The following RNLS variants were observed in gnomAD, a reference collection of about 807,000 sequenced individuals.
RNLS encodes the protein renalase, FAD dependent amine oxidase.
Under a neutral mutation model 39.8 loss-of-function variants are expected in RNLS, and 39 were observed. The observed-to-expected ratio is 0.98, with a 90% confidence interval of 0.76 to 1.28. The LOEUF is 1.28. Ranked by LOEUF, RNLS falls within the 50% of genes most tolerant of loss-of-function variation. The pLI is 0.00. For synonymous variants in RNLS, 147 were observed against 150.7 expected (o/e 0.98, Z 0.18); for missense variants, 410 against 413.3 (o/e 0.99, Z 0.07).
At chr10:88,325,273 C>T (rs1295596070) in intron 5 of RNLS, among the ~76,000 whole-genome samples, 1 of 152,116 alleles carries the variant, frequency 6.6e-6, no homozygotes, top group Non-Finnish European at 1.5e-5. Context: ...ACAAGGGTTC[C>T]AATTTCTCCA....
chr10:88,278,077 C>G (rs1373823241), intron 6 of RNLS, among the ~76,000 whole-genome samples: 1 of 152,006 alleles, frequency 6.6e-6, no homozygotes, highest in African/African-American at 2.4e-5. Flanking sequence ...AGTGGGTTTC[C>G]TGATTTTAGG....
intron 5 of RNLS, among the ~76,000 whole-genome samples, chr10:88,350,300 T>C (rs1848593301): frequency 6.6e-6 from 1 of 152,180 alleles, no homozygotes; most frequent in Non-Finnish European, 1.5e-5. Context: ...GTTACATATG[T>C]ATACATGTGC....
intron 4 of RNLS, among the ~76,000 whole-genome samples, chr10:88,552,153 G>T (rs1848634448): frequency 6.6e-6 from 1 of 152,138 alleles, no homozygotes; most frequent in African/African-American, 2.4e-5. Context: ...TTACACAGAA[G>T]AGGAATCAGA....
intron 6 of RNLS, among the ~76,000 whole-genome samples, chr10:88,304,328 G>C (rs1844759924): frequency 6.6e-6 from 1 of 152,152 alleles, no homozygotes. Flanking sequence ...TCTCTAGCAA[G>C]AGTTCTGAAC....
the RNLS span, among the ~76,000 whole-genome samples, chr10:88,260,640 C>G: frequency 6.6e-6 from 1 of 152,222 alleles, no homozygotes; most frequent in African/African-American, 2.4e-5. Context: ...GGTTCTTGGG[C>G]TGAATTAGCC....
At chr10:88,527,205 G>A (rs1050694303) in intron 4 of RNLS, among the ~76,000 whole-genome samples, 2 of 152,124 alleles carry the variant, frequency 1.3e-5, no homozygotes, top group Non-Finnish European at 2.9e-5. Flanking sequence ...CGCCTCCCCA[G>A]CTTCATTTTG....
At chr10:88,540,104 C>A (rs1847964286) in intron 4 of RNLS, among the ~76,000 whole-genome samples, 1 of 152,212 alleles carries the variant, frequency 6.6e-6, no homozygotes, top group African/African-American at 2.4e-5. Flanking sequence ...CTTGTTAACA[C>A]ATTTTTATAA....
chr10:88,262,924 G>A, the RNLS span, among the ~76,000 whole-genome samples: 1 of 152,106 alleles, frequency 6.6e-6, no homozygotes, highest in Non-Finnish European at 1.5e-5. Flanking sequence ...TTGTGTTAAT[G>A]TCTGATTTAC....
At chr10:88,228,491 G>A in the RNLS span, among the ~76,000 whole-genome samples, 7 of 152,154 alleles carry the variant, frequency 4.6e-5, no homozygotes, top group Non-Finnish European at 8.8e-5. Context: ...GTGCAAGGAC[G>A]CTGGGAAGTA....
chr10:88,222,470 C>A, the RNLS span, among the ~76,000 whole-genome samples: 1 of 152,156 alleles, frequency 6.6e-6, no homozygotes, highest in African/African-American at 2.4e-5. Context: ...TGACAAGTTA[C>A]TTTCTCTGCC....
intron 3 of RNLS, among the ~76,000 whole-genome samples, chr10:88,581,147 G>C (rs1037419429): frequency 2.6e-5 from 4 of 151,888 alleles, no homozygotes; most frequent in African/African-American, 7.3e-5. Context: ...AATCATTAAA[G>C]AAAATGGATT....
intron 5 of RNLS, among the ~76,000 whole-genome samples, chr10:88,318,251 C>A (rs1312380307): frequency 6.6e-6 from 1 of 152,198 alleles, no homozygotes; most frequent in African/African-American, 2.4e-5. Flanking sequence ...GCTGTGGGAG[C>A]CCTGGAGATC....
chr10:88,179,993 A>G, the RNLS span, among the ~76,000 whole-genome samples: 1 of 152,240 alleles, frequency 6.6e-6, no homozygotes. Flanking sequence ...ATTGAAGTCA[A>G]TTTGGCACCA....
intron 6 of RNLS, among the ~76,000 whole-genome samples, chr10:88,286,212 G>A (rs145338805): frequency 3.9e-5 from 6 of 152,126 alleles, no homozygotes; most frequent in South Asian, 4.2e-4. Flanking sequence ...TTTCCTGAGC[G>A]CTGTTCTGGC....
Position 88,394,312 on chromosome 10 carries a change from T to C in RNLS, c.527-31587A>G, listed in dbSNP as rs551954822. Among the ~76,000 whole-genome samples, 73 of 152,178 alleles carry C rather than the reference T, an allele frequency of 4.8e-4. 1 individual carries two copies. In the South Asian group the frequency reaches 0.014, roughly 30 times the overall value. On this transcript the variant is annotated intron_variant, in intron 4 of 6. Transcript: ENST00000331772. ...CTACTCATCTCACAAAGGGCTAATA[T>C]CCAGAATCTACAATGAACTCAAACG...
At chr10:88,487,240 T>C (rs975037293) in intron 4 of RNLS, among the ~76,000 whole-genome samples, 6 of 152,128 alleles carry the variant, frequency 3.9e-5, no homozygotes, top group African/African-American at 1.4e-4. Context: ...GCATAAAATA[T>C]ACCTATTGGG....
chr10:88,284,496 T>G lies in RNLS; in HGVS notation c.*858A>C, dbSNP rs1564659771. ...CAACTTGGCAAATATTGAACTATTT[T>G]AAGTGCATCTATTTTCTGGTTCAGT... On this transcript the variant is annotated 3_prime_UTR_variant, in exon 7 of 7. Coordinates refer to ENST00000331772, the MANE Select transcript of RNLS (RefSeq NM_001031709.3). 1.0e-6 allele frequency: 1 copy of G among 985,264 alleles called. No individual in the cohort carries two copies. The highest frequency in any genetic ancestry group is 1.2e-6 in the Non-Finnish European group (1 of 829,916). 61.0% of individuals were successfully genotyped at this position (985,264 alleles called of 1,614,324 possible). A position where few individuals can be genotyped will look rare whatever the true frequency, so the allele number is the denominator to read the frequency against.
At chr10:88,293,546 A>G (rs762474208) in intron 6 of RNLS, among the ~76,000 whole-genome samples, 26 of 152,160 alleles carry the variant, frequency 1.7e-4, no homozygotes, top group Admixed American at 5.2e-4. Context: ...TAAATCTGTT[A>G]TGAGGTTGTA....
chr10:88,566,668 A>C (rs183716965), intron 4 of RNLS, among the ~76,000 whole-genome samples: 1 of 152,330 alleles, frequency 6.6e-6, no homozygotes, highest in East Asian at 1.9e-4. Context: ...GACATGGAGA[A>C]AAGGCTAGAA....
Sources: gnomAD v4.1 joint callset for allele counts (sites outside exome capture counted in the v4.1 genomes callset) on GRCh38, gnomAD v4.1.1 for gene constraint, MANE v1.5 for transcripts, NCBI Gene and HGNC (gene_info 2026-07-23, HGNC 2026-07-21) for gene names.